ACVR1: variants seen among roughly 807,000 people sequenced by gnomAD.
ACVR1 encodes the protein activin receptor type-1.
Under a neutral mutation model 57.1 loss-of-function variants are expected in ACVR1, and 38 were observed. That is an observed-to-expected ratio of 0.67 (90% CI 0.51 to 0.87). ACVR1 has a LOEUF of 0.87. Among genes scored for constraint, ACVR1 ranks in the 40% least tolerant of loss-of-function variants. The pLI, the probability that ACVR1 is intolerant of heterozygous loss-of-function variation, is 0.00. For missense variants in ACVR1, 463 were observed against 638.2 expected (o/e 0.73, Z 2.96); for synonymous variants, 212 against 228.1 (o/e 0.93, Z 0.63).
At chr2:157,739,269 T>C (rs896376475) in intron 9 of ACVR1, among the ~76,000 whole-genome samples, 1 of 152,182 alleles carries the variant, frequency 6.6e-6, no homozygotes, top group Non-Finnish European at 1.5e-5. Context: ...AGGATAGCCA[T>C]GTGGGAAGGC....
intron 1 of ACVR1, among the ~76,000 whole-genome samples, chr2:157,843,358 T>TA (rs1487816158): frequency 1.3e-5 from 2 of 152,192 alleles, no homozygotes; most frequent in African/African-American, 4.8e-5. Context: ...TGGTTTTCCC[T>TA]AAAAAATGAG....
chr2:157,744,258 C>T (rs77956668), intron 9 of ACVR1, among the ~76,000 whole-genome samples: 2,609 of 152,186 alleles, frequency 0.017, 66 homozygotes, highest in African/African-American at 0.057. Context: ...CCTACAGAAG[C>T]GCTGAAATCC....
Position 157,736,734 on chromosome 2 carries a change from A to G in ACVR1, c.*797T>C. ...CACATACAAATGTGAAGCACTTAAAATGTGATTTTAACTGATAATAAAAGA... is the reference window on the plus strand; with the variant it reads ...CACATACAAATGTGAAGCACTTAAAGTGTGATTTTAACTGATAATAAAAGA... On this transcript the variant is annotated 3_prime_UTR_variant, in exon 11 of 11. Coordinates refer to ENST00000434821, the MANE Select transcript of ACVR1 (RefSeq NM_001111067.4). 2.9e-6 allele frequency: 1 copy of G among 342,904 alleles called. No individual in the cohort carries two copies. Among genetic ancestry groups the G allele is most frequent in the East Asian group, 3.8e-5 (1 of 26,026 alleles). 21.2% of individuals were successfully genotyped at this position (342,904 alleles called of 1,614,324 possible). A position where few individuals can be genotyped will look rare whatever the true frequency, so the allele number is the denominator to read the frequency against.
intron 3 of ACVR1, among the ~76,000 whole-genome samples, chr2:157,793,295 AT>A (rs1432299634): frequency 1.3e-5 from 2 of 152,070 alleles, no homozygotes; most frequent in Non-Finnish European, 2.9e-5. Flanking sequence ...CTTTGAATGA[AT>A]TTTTAGCATC....
In ACVR1 at chr2:157,737,896, T is replaced by C. The variant is rs76460538; in HGVS notation, c.1396-231A>G. Among the ~76,000 whole-genome samples, 2,629 of 152,282 alleles carry C rather than the reference T, an allele frequency of 0.017. 68 individuals carry two copies. The highest frequency in any genetic ancestry group is 0.057 in the African/African-American group (2,352 of 41,546). On this transcript the variant is annotated intron_variant, in intron 10 of 10. Coordinates refer to ENST00000434821, the MANE Select transcript of ACVR1 (RefSeq NM_001111067.4). The stretch of plus-strand genomic sequence containing the variant: ...TGGACTCTTAATGCTACCAATTTAT[T>C]AGGTAAACGACATAGGCCAGATTGG...
intron 1 of ACVR1, among the ~76,000 whole-genome samples, chr2:157,823,305 A>T (rs1375732168): frequency 6.6e-6 from 1 of 152,174 alleles, no homozygotes; most frequent in Non-Finnish European, 1.5e-5. Flanking sequence ...TTTACCTCAT[A>T]AGTGATTTTT....
At chr2:157,854,025 GTAA>G (rs1474344093) in intron 1 of ACVR1, among the ~76,000 whole-genome samples, 1 of 152,120 alleles carries the variant, frequency 6.6e-6, no homozygotes, top group Non-Finnish European at 1.5e-5. Flanking sequence ...AAGCTGTACT[GTAA>G]TCACTGATTT....
chr2:157,745,619 C>T (rs116514671), intron 9 of ACVR1, among the ~76,000 whole-genome samples: 1,821 of 152,178 alleles, frequency 0.012, 36 homozygotes, highest in African/African-American at 0.04. Flanking sequence ...ATTCTTCCCT[C>T]CCACCCCACC....
At chr2:157,797,705 A>C (rs965136227) in intron 3 of ACVR1, among the ~76,000 whole-genome samples, 6 of 152,202 alleles carry the variant, frequency 3.9e-5, no homozygotes, top group African/African-American at 1.4e-4. Context: ...GTGAGTAATG[A>C]AAGTAAGTAA....
chr2:157,864,668 C>T (rs1011559048), intron 1 of ACVR1, among the ~76,000 whole-genome samples: 6 of 152,050 alleles, frequency 3.9e-5, no homozygotes, highest in African/African-American at 7.2e-5. Flanking sequence ...CCTATTTTAC[C>T]TTCACATTAC....
At chr2:157,865,389 G>A (rs769204931) in intron 1 of ACVR1, among the ~76,000 whole-genome samples, 1 of 152,070 alleles carries the variant, frequency 6.6e-6, no homozygotes, top group Non-Finnish European at 1.5e-5. Context: ...TCCAATTCAC[G>A]GCACAACCTA....
At chr2:157,869,674 T>TA (rs891554290) in intron 1 of ACVR1, among the ~76,000 whole-genome samples, 7 of 152,230 alleles carry the variant, frequency 4.6e-5, no homozygotes, top group Admixed American at 4.6e-4. Context: ...TATGTTTATA[T>TA]AAAGTAATCT....
intron 2 of ACVR1, among the ~76,000 whole-genome samples, chr2:157,808,657 C>G (rs1687643473): frequency 2.0e-5 from 3 of 152,136 alleles, no homozygotes. Flanking sequence ...CTAATGACCT[C>G]TGAGACAGCG....
intron 1 of ACVR1, among the ~76,000 whole-genome samples, chr2:157,871,448 G>T (rs1442851276): frequency 6.6e-6 from 1 of 152,136 alleles, no homozygotes; most frequent in Non-Finnish European, 1.5e-5. Flanking sequence ...GCTAAAAGTG[G>T]TCTCACCCCA....
chr2:157,859,011 T>C (rs1201078111), intron 1 of ACVR1, among the ~76,000 whole-genome samples: 1 of 152,172 alleles, frequency 6.6e-6, no homozygotes, highest in Non-Finnish European at 1.5e-5. Flanking sequence ...TCCCCACACC[T>C]TCCTGTTCTG....
chr2:157,803,201 C>G (rs956706823), intron 2 of ACVR1, among the ~76,000 whole-genome samples: 3 of 151,810 alleles, frequency 2.0e-5, no homozygotes, highest in African/African-American at 7.3e-5. Context: ...GTCCCAAATA[C>G]CTATTAACAG....
chr2:157,828,449 CAAAAAAAAAAA>C (rs369753645), intron 1 of ACVR1, among the ~76,000 whole-genome samples: 4 of 84,302 alleles, frequency 4.7e-5, no homozygotes, highest in African/African-American at 1.9e-4. Context: ...GACTCCGTCT[CAAAAAAAAAAA>C]AAAAAAAAAA....
rs191056725 is a variant in ACVR1 at position 157,832,419 on chromosome 2, G to A, written c.-182-13860C>T. On this transcript the variant is annotated intron_variant, in intron 1 of 10. Transcript: ENST00000434821. ...TGGCAAGTCAAGAGTCAGGACTGAGGCCAGCCTACCTGGAATCCTCTTTGG... is the reference window on the plus strand; with the variant it reads ...TGGCAAGTCAAGAGTCAGGACTGAGACCAGCCTACCTGGAATCCTCTTTGG... Among the ~76,000 whole-genome samples, 385 of 152,296 alleles carry A rather than the reference G, an allele frequency of 2.5e-3. 4 individuals are homozygous for A. The highest frequency in any genetic ancestry group is 8.9e-3 in the African/African-American group (368 of 41,558).
chr2:157,804,775 G>C (rs540807991), intron 2 of ACVR1, among the ~76,000 whole-genome samples: 1 of 152,178 alleles, frequency 6.6e-6, no homozygotes, highest in Non-Finnish European at 1.5e-5. Context: ...TTAGAAGACA[G>C]AACATTCCCA....
Sources: gnomAD v4.1 joint callset for allele counts (sites outside exome capture counted in the v4.1 genomes callset) on GRCh38, gnomAD v4.1.1 for gene constraint, MANE v1.5 for transcripts, NCBI Gene and HGNC (gene_info 2026-07-23, HGNC 2026-07-21) for gene names.